Variants in SLC41A2 observed in about 807,000 individuals in gnomAD.
The protein encoded by SLC41A2 is solute carrier family 41 member 2.
In SLC41A2, 32 loss-of-function variants were observed where a neutral mutation model predicts 58.3. The observed-to-expected ratio is 0.55, with a 90% CI of 0.41 to 0.74. The LOEUF is 0.74. SLC41A2 is among the 30% of genes least tolerant of loss of function. The pLI is 0.00. For synonymous variants in SLC41A2, 190 were observed against 235.0 expected, an observed-to-expected ratio of 0.81 and a Z score of 1.75; for missense variants, 514 against 680.6, an observed-to-expected ratio of 0.76 and a Z score of 2.72.
intron 3 of SLC41A2, among the ~76,000 whole-genome samples, chr12:104,896,128 T>C (rs2045270062): frequency 6.6e-6 from 1 of 152,204 alleles, no homozygotes; most frequent in Admixed American, 6.5e-5. Flanking sequence ...TTTCAAATGA[T>C]CTATAGATAA....
chr12:104,942,014 C>T (rs1287099352), intron 1 of SLC41A2, among the ~76,000 whole-genome samples: 2 of 152,068 alleles, frequency 1.3e-5, no homozygotes, highest in Non-Finnish European at 2.9e-5. Flanking sequence ...ACAAGTCAAC[C>T]AGTAGATGGA....
At chr12:104,837,051 A>C (rs1376377555) in intron 10 of SLC41A2, among the ~76,000 whole-genome samples, 1 of 152,152 alleles carries the variant, frequency 6.6e-6, no homozygotes, top group Non-Finnish European at 1.5e-5. Context: ...CTAGCTTAGT[A>C]ATGGTTTATG....
At chr12:104,912,108 G>A (rs1001229478) in intron 2 of SLC41A2, among the ~76,000 whole-genome samples, 8 of 152,106 alleles carry the variant, frequency 5.3e-5, no homozygotes, top group South Asian at 2.1e-4. Context: ...ATCAGATCCC[G>A]GATATACTTC....
At chr12:104,860,095 G>A (rs541480258) in intron 8 of SLC41A2, among the ~76,000 whole-genome samples, 1 of 152,040 alleles carries the variant, frequency 6.6e-6, no homozygotes, top group South Asian at 2.1e-4. Context: ...TAAATATGTA[G>A]TATATCCTGG....
intron 10 of SLC41A2, among the ~76,000 whole-genome samples, chr12:104,813,939 A>G (rs1592920411): frequency 6.6e-6 from 1 of 152,228 alleles, no homozygotes; most frequent in East Asian, 1.9e-4. Flanking sequence ...CCCAGTCACA[A>G]CTGGCTGTTA....
rs114366627 is a variant in SLC41A2 at position 104,919,414 on chromosome 12, T to C, written c.555+8559A>G. Among the ~76,000 whole-genome samples, 564 of 152,346 alleles carry C rather than the reference T, an allele frequency of 3.7e-3. 5 individuals carry two copies. Among genetic ancestry groups the C allele is most frequent in the African/African-American group, 0.012 (510 of 41,590 alleles). ...AGTTAATATTTAGGGTTTGTTTTTT[T>C]ACAGAACTGCAAAAGTGTTTCCACA... On this transcript the variant is annotated intron_variant, in intron 2 of 10. Transcript: ENST00000258538.
intron 10 of SLC41A2, among the ~76,000 whole-genome samples, chr12:104,843,462 C>T (rs1255058304): frequency 6.6e-6 from 1 of 151,976 alleles, no homozygotes; most frequent in Non-Finnish European, 1.5e-5. Context: ...GCATTTAAGG[C>T]CTTTTCTATA....
At chr12:104,891,030 A>G (rs373706999) in intron 4 of SLC41A2, among the ~76,000 whole-genome samples, 3 of 152,100 alleles carry the variant, frequency 2.0e-5, no homozygotes, top group East Asian at 1.9e-4. Flanking sequence ...CTCTTTCACA[A>G]GTGTTAGCAG....
rs530377818 is a variant in SLC41A2 at position 104,925,285 on chromosome 12, G to A, written c.555+2688C>T. Among the ~76,000 whole-genome samples, 18 of 152,312 alleles carry A rather than the reference G, an allele frequency of 1.2e-4. No homozygotes were observed. The East Asian group carries it at 3.3e-3, about 28-fold the overall frequency. ...TTAAAAATATTTATATCGGCCAGGC[G>A]CGGTGGCTCACGCCTATAATCCCAG... On this transcript the variant is annotated intron_variant, in intron 2 of 10. Coordinates refer to ENST00000258538, the MANE Select transcript of SLC41A2 (RefSeq NM_001352171.3).
At chr12:104,835,103 A>C (rs1037291043) in intron 10 of SLC41A2, among the ~76,000 whole-genome samples, 2 of 152,238 alleles carry the variant, frequency 1.3e-5, no homozygotes, top group African/African-American at 2.4e-5. Flanking sequence ...TGATGAAAAT[A>C]ATAGCACCTT....
intron 10 of SLC41A2, among the ~76,000 whole-genome samples, chr12:104,838,818 G>A (rs930838462): frequency 6.6e-6 from 1 of 152,168 alleles, no homozygotes; most frequent in Non-Finnish European, 1.5e-5. Flanking sequence ...CTACAGCTAA[G>A]AGAAGATTCT....
Position 104,804,927 on chromosome 12 carries a change from A to G in SLC41A2, c.*225T>C, listed in dbSNP as rs570230013. 1.1e-3 allele frequency: 371 copies of G among 349,292 alleles called. No homozygotes were observed. The highest frequency in any genetic ancestry group is 4.3e-3 in the African/African-American group (203 of 47,516). The allele number at this position is 349,292 out of a possible 1,614,324, so 21.6% of individuals were successfully genotyped here. On this transcript the variant is annotated 3_prime_UTR_variant, in exon 11 of 11. Transcript: ENST00000258538. ...AGAGCTGGAACTTATATCTATGTCT[A>G]TGTCAAATTATCATTTATTCTATGA...
chr12:104,943,295 C>T (rs899950557), intron 1 of SLC41A2, among the ~76,000 whole-genome samples: 1 of 152,022 alleles, frequency 6.6e-6, no homozygotes, highest in Non-Finnish European at 1.5e-5. Context: ...TAAAGAAATT[C>T]GAGATCAAAT....
At chr12:104,925,158 T>A (rs2046780141) in intron 2 of SLC41A2, among the ~76,000 whole-genome samples, 1 of 152,228 alleles carries the variant, frequency 6.6e-6, no homozygotes, top group Admixed American at 6.5e-5. Flanking sequence ...TACATGGTTG[T>A]TTATATTACG....
intron 10 of SLC41A2, among the ~76,000 whole-genome samples, chr12:104,831,987 T>A (rs559582338): frequency 2.6e-4 from 39 of 152,108 alleles, no homozygotes; most frequent in Non-Finnish European, 3.4e-4. Context: ...TAAAACAGAA[T>A]CCCTGCATGA....
intron 10 of SLC41A2, among the ~76,000 whole-genome samples, chr12:104,806,549 G>C (rs1361882253): frequency 6.6e-6 from 1 of 152,152 alleles, no homozygotes; most frequent in Non-Finnish European, 1.5e-5. Context: ...CTTTACAGCA[G>C]CATGATTTAT....
At chr12:104,877,259 T>C (rs921900620) in intron 6 of SLC41A2, among the ~76,000 whole-genome samples, 2 of 152,204 alleles carry the variant, frequency 1.3e-5, no homozygotes, top group African/African-American at 4.8e-5. Context: ...GTATTCAGAA[T>C]AAAAATATTA....
intron 3 of SLC41A2, among the ~76,000 whole-genome samples, chr12:104,904,777 T>A (rs912704352): frequency 2.6e-5 from 4 of 152,010 alleles, no homozygotes; most frequent in Admixed American, 2.6e-4. Flanking sequence ...TTCCTCCTGG[T>A]GGGCTCGTGG....
intron 10 of SLC41A2, among the ~76,000 whole-genome samples, chr12:104,825,228 C>T (rs2468103): frequency 0.49 from 74,377 of 151,926 alleles, 19,032 homozygotes; most frequent in Middle Eastern, 0.57. Context: ...GCATGCGTGG[C>T]TCAGGGCACC....
Sources: gnomAD v4.1 joint callset for allele counts (sites outside exome capture counted in the v4.1 genomes callset) on GRCh38, gnomAD v4.1.1 for gene constraint, MANE v1.5 for transcripts, NCBI Gene and HGNC (gene_info 2026-07-23, HGNC 2026-07-21) for gene names.